SNX29: variants seen among roughly 807,000 people sequenced by gnomAD.
SNX29 encodes the protein sorting nexin 29, also known as sorting nexin-29.
A neutral mutation model predicts 102.1 loss-of-function variants in SNX29; 78 were observed. That is an observed-to-expected ratio of 0.76 (90% CI 0.64 to 0.92). The LOEUF is 0.92. Among genes scored for constraint, SNX29 ranks in the 40% least tolerant of loss-of-function variants. The pLI, the probability that SNX29 is intolerant of heterozygous loss-of-function variation, is 0.00. For missense variants in SNX29, 1,280 were observed against 1,061.7 expected, an observed-to-expected ratio of 1.21 and a Z score of -2.86; for synonymous variants, 580 against 414.5, an observed-to-expected ratio of 1.40 and a Z score of -4.85.
chr16:11,984,681 T>C lies in SNX29; in HGVS notation c.7+7868T>C, dbSNP rs150673407. On this transcript the variant is annotated intron_variant, in intron 1 of 20. Transcript: ENST00000566228. ...CCTCTCTTTTTCTTTTGAGACAGGG[T>C]TTTGCTCTGTTGCCCAGGCTGGAAT... Among the ~76,000 whole-genome samples, 382 of 152,160 alleles carry C rather than the reference T, an allele frequency of 2.5e-3. 2 individuals are homozygous for C. The highest frequency in any genetic ancestry group is 8.7e-3 in the African/African-American group (362 of 41,528).
chr16:12,428,860 CTAGT>C (rs763490557), intron 18 of SNX29, among the ~76,000 whole-genome samples: 1 of 152,200 alleles, frequency 6.6e-6, no homozygotes, highest in Non-Finnish European at 1.5e-5. Flanking sequence ...ATATTTCCTT[CTAGT>C]TAGTCTCACC....
intron 20 of SNX29, among the ~76,000 whole-genome samples, chr16:12,563,154 G>A (rs775065327): frequency 2.6e-5 from 4 of 151,934 alleles, no homozygotes; most frequent in African/African-American, 4.8e-5. Context: ...CCAGCTCCAG[G>A]GGGGGCAACT....
chr16:12,454,658 A>C (rs1315975422), intron 18 of SNX29, among the ~76,000 whole-genome samples: 1 of 152,216 alleles, frequency 6.6e-6, no homozygotes, highest in African/African-American at 2.4e-5. Context: ...CTGGGAATTT[A>C]GACTTGAGCT....
At chr16:12,055,430 C>G (rs1031992384) in intron 8 of SNX29, among the ~76,000 whole-genome samples, 3 of 151,986 alleles carry the variant, frequency 2.0e-5, no homozygotes, top group African/African-American at 4.8e-5. Context: ...GGGGTTTTAC[C>G]CTGTTGGCCA....
chr16:12,214,038 C>CA (rs2077258015), intron 14 of SNX29, among the ~76,000 whole-genome samples: 1 of 152,144 alleles, frequency 6.6e-6, no homozygotes, highest in African/African-American at 2.4e-5. Flanking sequence ...GTCATAGCTG[C>CA]AAGAGGATCC....
chr16:12,572,082 G>A lies in SNX29; in HGVS notation c.*3453G>A, dbSNP rs1598142162. On this transcript the variant is annotated 3_prime_UTR_variant, in exon 21 of 21. Transcript: ENST00000566228. ...ACCATCTTGCAAGATCTAGGAAGAG[G>A]AAGGGGAGGGATGTGGACTGGGTCT... is the stretch of plus-strand genomic sequence containing the variant. The A allele has an allele frequency of 6.6e-6, 7 of 1,063,536 alleles. No homozygotes were observed. The highest frequency in any genetic ancestry group is 9.1e-5 in the South Asian group (2 of 21,974). 65.9% of individuals were successfully genotyped at this position (1,063,536 alleles called of 1,614,324 possible). A position where few individuals can be genotyped will look rare whatever the true frequency, so the allele number is the denominator to read the frequency against.
At chr16:12,139,178 G>A (rs959197351) in intron 13 of SNX29, among the ~76,000 whole-genome samples, 76 of 135,286 alleles carry the variant, frequency 5.6e-4, no homozygotes, top group African/African-American at 1.8e-3. Flanking sequence ...GAGCCTGGGC[G>A]ATAGAGCGAG....
At chr16:12,070,135 A>T (rs984964766) in intron 10 of SNX29, among the ~76,000 whole-genome samples, 1 of 152,090 alleles carries the variant, frequency 6.6e-6, no homozygotes. Context: ...TTGTTTTTTC[A>T]AATAAAGTAT....
chr16:12,173,615 A>G (rs897445083), intron 13 of SNX29, among the ~76,000 whole-genome samples: 4 of 152,194 alleles, frequency 2.6e-5, no homozygotes, highest in African/African-American at 7.2e-5. Context: ...AGAAGCTTAT[A>G]TCTGTTAACC....
chr16:12,523,322 C>T (rs543758232), intron 19 of SNX29, among the ~76,000 whole-genome samples: 11 of 152,222 alleles, frequency 7.2e-5, no homozygotes, highest in Non-Finnish European at 1.2e-4. Context: ...TACGCGCCGT[C>T]GTCATAGAAC....
chr16:12,351,590 A>G (rs2081993871), intron 15 of SNX29, among the ~76,000 whole-genome samples: 1 of 152,208 alleles, frequency 6.6e-6, no homozygotes, highest in Admixed American at 6.6e-5. Flanking sequence ...TTTTTGAAAA[A>G]TTTGTAATCC....
intron 20 of SNX29, among the ~76,000 whole-genome samples, chr16:12,568,291 C>T (rs905581921): frequency 8.4e-6 from 1 of 118,642 alleles, no homozygotes; most frequent in African/African-American, 3.4e-5. Flanking sequence ...TGGTTGGAGC[C>T]TCGGAGTGCT....
rs1420528361 is a variant in SNX29 at position 12,244,075 on chromosome 16, C to T, written c.1679-33858C>T. ...GCTCAGCCTAGATCCCATGGGTGCG[C>T]AGCTCACAATACGGTTCATGCACCT... On this transcript the variant is annotated intron_variant, in intron 14 of 20. Transcript: ENST00000566228. Among the ~76,000 whole-genome samples, 5 of 152,272 alleles carry T rather than the reference C, an allele frequency of 3.3e-5. No homozygotes were observed. The South Asian group carries it at 1.0e-3, about 32-fold the overall frequency.
At chr16:12,287,154 T>G (rs1052992029) in intron 15 of SNX29, among the ~76,000 whole-genome samples, 1 of 152,316 alleles carries the variant, frequency 6.6e-6, no homozygotes. Context: ...CTCTCTGCCT[T>G]GACTTCAGTT....
chr16:12,406,033 A>C lies in SNX29; in HGVS notation c.2037+2504A>C, dbSNP rs532297832. Among the ~76,000 whole-genome samples the C allele has an allele frequency of 7.3e-4, 98 of 133,452 alleles. 1 individual carries two copies. The highest frequency in any genetic ancestry group is 2.6e-3 in the African/African-American group (93 of 35,154). 87.5% of individuals were successfully genotyped at this position (133,452 alleles called of 152,430 possible). A position where few individuals can be genotyped will look rare whatever the true frequency, so the allele number is the denominator to read the frequency against. On this transcript the variant is annotated intron_variant, in intron 18 of 20. Transcript: ENST00000566228. Reference sequence around the variant, plus strand: ...GGTGACAAGAATGAGACTCTGCCTCAAAAAAAGAAAACAAGTATGCTATTT... The same window carrying C: ...GGTGACAAGAATGAGACTCTGCCTCCAAAAAAGAAAACAAGTATGCTATTT...
intron 15 of SNX29, among the ~76,000 whole-genome samples, chr16:12,290,301 C>G (rs1462434775): frequency 1.3e-5 from 2 of 152,218 alleles, no homozygotes; most frequent in Non-Finnish European, 1.5e-5. Context: ...GACCTTCACA[C>G]AGGCAGGTGT....
intron 11 of SNX29, among the ~76,000 whole-genome samples, chr16:12,100,645 G>C (rs1050554909): frequency 6.6e-6 from 1 of 151,530 alleles, no homozygotes; most frequent in Admixed American, 6.6e-5. Flanking sequence ...GGAAGAGTGT[G>C]CTTGGCAGAG....
intron 19 of SNX29, among the ~76,000 whole-genome samples, chr16:12,489,532 G>A (rs565083789): frequency 8.3e-4 from 126 of 152,300 alleles, no homozygotes; most frequent in Middle Eastern, 6.8e-3. Flanking sequence ...AGCCTTTGTG[G>A]CACTCAGCTG....
chr16:12,191,134 G>A (rs2076631863), intron 13 of SNX29, among the ~76,000 whole-genome samples: 1 of 152,136 alleles, frequency 6.6e-6, no homozygotes, highest in Admixed American at 6.5e-5. Flanking sequence ...TAGGGAGTGT[G>A]CAACCTAGAT....
Sources: allele counts gnomAD v4.1 joint callset (sites outside exome capture counted in the v4.1 genomes callset), GRCh38; gene constraint gnomAD v4.1.1; transcripts MANE v1.5; gene names NCBI Gene and HGNC (gene_info 2026-07-23, HGNC 2026-07-21).